FAP: variants seen among roughly 807,000 people sequenced by gnomAD.
FAP encodes prolyl endopeptidase FAP.
In FAP, 110 loss-of-function variants were observed where a neutral mutation model predicts 126.5. That is an observed-to-expected ratio of 0.87 (90% CI 0.74 to 1.02). The LOEUF (loss-of-function observed/expected upper bound fraction) is 1.02. Among genes scored for constraint, FAP ranks in the 50% least tolerant of loss-of-function variants. The pLI is 0.00. For missense variants in FAP, 919 were observed against 909.2 expected (o/e 1.01, Z -0.14); for synonymous variants, 334 against 297.3 (o/e 1.12, Z -1.27).
chr2:162,205,833 A>T (rs1278497961), intron 12 of FAP, among the ~76,000 whole-genome samples: 2 of 152,134 alleles, frequency 1.3e-5, no homozygotes, highest in African/African-American at 4.8e-5. Flanking sequence ...CTTATTCCTC[A>T]TTGTGAAACA....
At chr2:162,189,603 A>G (rs2106228328) in intron 18 of FAP, 53 bp downstream of exon 18, 1 of 999,400 alleles carries the variant, frequency 1.0e-6, no homozygotes, top group Non-Finnish European at 1.5e-6. Context: ...TTTAAAAGCA[A>G]GAAAATTGCT....
In FAP at chr2:162,218,107, C is replaced by T; in HGVS notation, c.641G>A (p.Trp214Ter). ...EMLATKYALW[W>*]SPNGKFLAYA... ...TGCCAAAAATTTTCCATTAGGAGAC[C>T]ACCAGAGAGCATATTTTGTAGCAAG... The change falls in exon 9 of 26, where the codon TGG becomes TAG. Residue 214 changes from tryptophan to a stop codon, truncating the protein, a stop_gained. Coordinates refer to ENST00000188790, the MANE Select transcript of FAP (RefSeq NM_004460.5). LOFTEE classifies it high-confidence loss of function. The T allele has an allele frequency of 1.9e-6, 3 of 1,606,144 alleles. No individual in the cohort carries two copies. The highest frequency in any genetic ancestry group is 2.6e-6 in the Non-Finnish European group (3 of 1,176,256).
At chr2:162,176,280 TA>T (rs1178658645) in intron 21 of FAP, 3 of 152,174 alleles carry the variant, frequency 2.0e-5, no homozygotes, top group Non-Finnish European at 4.4e-5. Context: ...TTGCTGAATC[TA>T]ACAGTTAAAT....
At chr2:162,204,189 T>C (rs923145846) in intron 12 of FAP, among the ~76,000 whole-genome samples, 1 of 152,180 alleles carries the variant, frequency 6.6e-6, no homozygotes, top group Admixed American at 6.5e-5. Context: ...GTGAGACCCA[T>C]TGTAGAGCAA....
intron 16 of FAP, among the ~76,000 whole-genome samples, chr2:162,196,499 A>G (rs1048721762): frequency 3.3e-5 from 5 of 152,016 alleles, no homozygotes; most frequent in African/African-American, 1.2e-4. Flanking sequence ...TGTAGTTTCA[A>G]TAATGGAAAC....
At chr2:162,223,192 G>A (rs1689485512) in intron 6 of FAP, among the ~76,000 whole-genome samples, 1 of 152,030 alleles carries the variant, frequency 6.6e-6, no homozygotes, top group Non-Finnish European at 1.5e-5. Flanking sequence ...AACAGTTAAT[G>A]GAGTACGTGT....
At chr2:162,215,032 T>TA (rs3838212) in intron 10 of FAP, among the ~76,000 whole-genome samples, 5 of 151,438 alleles carry the variant, frequency 3.3e-5, no homozygotes, top group Admixed American at 6.6e-5. Flanking sequence ...AATGACACTT[T>TA]AAAAAAAAAT....
At chr2:162,189,074 G>C in intron 19 of FAP, 29 bp downstream of exon 19, 2 of 1,430,622 alleles carry the variant, frequency 1.4e-6, no homozygotes, top group Non-Finnish European at 1.9e-6. Context: ...TCAGTAAATA[G>C]TTTTTACACC....
chr2:162,173,718 C>G lies in FAP; in HGVS notation c.2034+5G>C. On this transcript the variant is annotated splice_donor_5th_base_variant and intron_variant, in intron 23 of 25. Coordinates refer to ENST00000188790, the MANE Select transcript of FAP (RefSeq NM_004460.5). The stretch of plus-strand genomic sequence containing the variant: ...TATTAACCTAAATAAAATGGAAACA[C>G]TTACCTTATAGTGCTCAAGATTATC... The G allele has an allele frequency of 6.4e-7, 1 of 1,574,382 alleles. No homozygotes were observed. Among genetic ancestry groups the G allele is most frequent in the Non-Finnish European group, 8.7e-7 (1 of 1,144,574 alleles).
intron 10 of FAP, 57 bp from the exon 11 acceptor site, chr2:162,214,130 A>G (rs1689071745): frequency 6.4e-7 from 1 of 1,562,744 alleles, no homozygotes; most frequent in Non-Finnish European, 8.7e-7. Flanking sequence ...ACACACAAAT[A>G]ATTTCTTAAT....
chr2:162,200,866 TGA>T (rs1457721300), intron 14 of FAP, among the ~76,000 whole-genome samples: 2 of 152,220 alleles, frequency 1.3e-5, no homozygotes, highest in African/African-American at 4.8e-5. Context: ...TGATTCATTA[TGA>T]GTCATGCAAA....
chr2:162,188,430 C>A, intron 19 of FAP, 67 bp from the exon 20 acceptor site: 3 of 1,348,162 alleles, frequency 2.2e-6, no homozygotes, highest in Non-Finnish European at 3.1e-6. Flanking sequence ...CCATCCTGGC[C>A]AAGCATTGCT....
rs567722980 is a variant in FAP, at chr2:162,194,624, C to T, written c.1450+77G>A. On this transcript the variant is annotated intron_variant, in intron 17 of 25. Coordinates refer to ENST00000188790, the MANE Select transcript of FAP (RefSeq NM_004460.5). ...CCCCTTGGTGGTGTGGAGAAACTGT[C>T]CTGCTTTCTCTAGCGGAGCATCACA... is the stretch of plus-strand genomic sequence containing the variant. 5 of 1,322,540 alleles carry T rather than the reference C, an allele frequency of 3.8e-6. No individual in the cohort carries two copies. In the South Asian group the frequency reaches 4.7e-5, roughly 13 times the overall value. The allele number at this position is 1,322,540 out of a possible 1,614,324, so 81.9% of individuals were successfully genotyped here. A position where few individuals can be genotyped will look rare whatever the true frequency, so the allele number is the denominator to read the frequency against.
At chr2:162,220,241 C>T (rs908413504) in intron 6 of FAP, among the ~76,000 whole-genome samples, 8 of 152,278 alleles carry the variant, frequency 5.3e-5, no homozygotes, top group South Asian at 4.1e-4. Flanking sequence ...TAATACAGTC[C>T]TCTCATTTTA....
At chr2:162,238,947 A>G (rs973450437) in intron 2 of FAP, among the ~76,000 whole-genome samples, 15 of 152,350 alleles carry the variant, frequency 9.8e-5, no homozygotes, top group African/African-American at 3.4e-4. Flanking sequence ...TGGCCTTCAC[A>G]TATTTTCTTC....
chr2:162,194,136 C>G (rs1030415363), intron 17 of FAP: 2 of 152,096 alleles, frequency 1.3e-5, no homozygotes, highest in African/African-American at 2.4e-5. Context: ...ATGGAAAGAG[C>G]CTCCAAATTT....
At chr2:162,226,223 T>A (rs1689640081) in intron 3 of FAP, among the ~76,000 whole-genome samples, 1 of 152,174 alleles carries the variant, frequency 6.6e-6, no homozygotes, top group African/African-American at 2.4e-5. Flanking sequence ...TGACTTCTCC[T>A]AAATAGGAAT....
intron 16 of FAP, among the ~76,000 whole-genome samples, chr2:162,195,519 T>C (rs1576153943): frequency 2.0e-5 from 3 of 150,636 alleles, no homozygotes; most frequent in East Asian, 2.0e-4. Context: ...TTCTCCCGGG[T>C]TGGGGGGAGG....
intron 2 of FAP, among the ~76,000 whole-genome samples, chr2:162,233,814 C>T (rs1258323448): frequency 6.6e-6 from 1 of 152,044 alleles, no homozygotes; most frequent in African/African-American, 2.4e-5. Context: ...AAAAATGTAT[C>T]TGTATGTTTT....
Sources: gnomAD v4.1 joint callset for allele counts (sites outside exome capture counted in the v4.1 genomes callset) on GRCh38, gnomAD v4.1.1 for gene constraint, MANE v1.5 for transcripts, NCBI Gene and HGNC (gene_info 2026-07-23, HGNC 2026-07-21) for gene names.